The following ASRGL1 variants were observed in gnomAD, a reference collection of about 807,000 sequenced individuals.
ASRGL1 encodes asparaginase and isoaspartyl peptidase 1.
A neutral mutation model predicts 22.4 loss-of-function variants in ASRGL1; 16 were observed. The ratio of observed to expected loss-of-function variants is 0.71; its 90% confidence interval spans 0.48 to 1.08. ASRGL1 has a LOEUF of 1.08. Among genes scored for constraint, ASRGL1 ranks in the 50% least tolerant of loss-of-function variants. The pLI is 0.00. For synonymous variants in ASRGL1, 165 were observed against 159.3 expected (o/e 1.04, Z -0.27); for missense variants, 412 against 410.1 (o/e 1.00, Z -0.04).
chr11:62,340,129 C>T (rs1945828231), intron 2 of ASRGL1, among the ~76,000 whole-genome samples: 2 of 151,722 alleles, frequency 1.3e-5, no homozygotes, highest in South Asian at 2.1e-4. Flanking sequence ...ATCAGCTGAG[C>T]GTGGTGGCAC....
chr11:62,342,846 C>T (rs910897207), intron 2 of ASRGL1, among the ~76,000 whole-genome samples: 1 of 152,028 alleles, frequency 6.6e-6, no homozygotes, highest in Non-Finnish European at 1.5e-5. Flanking sequence ...AAGTGTTACC[C>T]GTGTAGACGT....
chr11:62,375,248 C>T (rs1416978109), intron 4 of ASRGL1, among the ~76,000 whole-genome samples: 1 of 151,590 alleles, frequency 6.6e-6, no homozygotes, highest in Non-Finnish European at 1.5e-5. Flanking sequence ...GTGCCGTGCA[C>T]TCCTAGAGAA....
chr11:62,356,342 A>G lies in ASRGL1; in HGVS notation c.208A>G (p.Asn70Asp). The G allele has an allele frequency of 6.2e-7, 1 of 1,614,140 alleles. No homozygotes were observed. Among genetic ancestry groups the G allele is most frequent in the Non-Finnish European group, 8.5e-7 (1 of 1,179,982 alleles). Residue 70 changes from asparagine to aspartate, a missense_variant, in exon 3 of 7, where the codon AAC (asparagine) becomes GAC (aspartate). Coordinates refer to ENST00000415229, the MANE Select transcript of ASRGL1 (RefSeq NM_001083926.2). ...GGTTTTAGGTTGTGGGTCTGTCTTG[A>G]ACACAAATGGTGAGGTTGAAATGGA... Reference protein sequence around the residue: ...EFNAGCGSVLNTNGEVEMDAS... With the variant: ...EFNAGCGSVLDTNGEVEMDAS...
intron 4 of ASRGL1, among the ~76,000 whole-genome samples, chr11:62,375,930 C>G (rs534133398): frequency 6.6e-6 from 1 of 151,720 alleles, no homozygotes; most frequent in African/African-American, 2.4e-5. Flanking sequence ...GGTGAAACCC[C>G]GTCTCTACTA....
chr11:62,365,140 A>C (rs1432348498), intron 4 of ASRGL1, among the ~76,000 whole-genome samples: 1 of 152,046 alleles, frequency 6.6e-6, no homozygotes, highest in Non-Finnish European at 1.5e-5. Context: ...CAGGAGTGGG[A>C]GAAATGGGAA....
intron 4 of ASRGL1, among the ~76,000 whole-genome samples, chr11:62,384,435 CA>C (rs1947154610): frequency 6.6e-6 from 1 of 151,942 alleles, no homozygotes; most frequent in African/African-American, 2.4e-5. Flanking sequence ...ACCCGGGAGG[CA>C]GAGGCTGCTG....
In ASRGL1 at chr11:62,367,121, G is replaced by A. The variant is rs375983144; in HGVS notation, c.491+9977G>A. On this transcript the variant is annotated intron_variant, in intron 4 of 6. Coordinates refer to ENST00000415229, the MANE Select transcript of ASRGL1 (RefSeq NM_001083926.2). ...TGGGAGGCTGAGGCGGGTGGATTACGAGGTCAGGAGATCAAGACCATCCTG... is the reference window on the plus strand; with the variant it reads ...TGGGAGGCTGAGGCGGGTGGATTACAAGGTCAGGAGATCAAGACCATCCTG... Among the ~76,000 whole-genome samples, 41 of 149,380 alleles carry A rather than the reference G, an allele frequency of 2.7e-4. 1 individual carries two copies. The South Asian group carries it at 5.3e-3, about 19-fold the overall frequency.
rs150303172 is a variant in ASRGL1 at position 62,356,501 on chromosome 11, A to G, written c.333+34A>G. ...GACTAAAGCAGCCTTTTCCTAATGA[A>G]TTGTTATTGTTATACTGCAGTGATA... is the stretch of plus-strand genomic sequence containing the variant. On this transcript the variant is annotated intron_variant, in intron 3 of 6. Coordinates refer to ENST00000415229, the MANE Select transcript of ASRGL1 (RefSeq NM_001083926.2). 13 of 1,605,938 alleles carry G rather than the reference A, an allele frequency of 8.1e-6. No individual in the cohort carries two copies. The Admixed American group carries it at 2.0e-4, about 25-fold the overall frequency.
At chr11:62,371,385 G>C in intron 4 of ASRGL1, 1 of 641,442 alleles carries the variant, frequency 1.6e-6, no homozygotes, top group Non-Finnish European at 2.6e-6. Context: ...GTGCGGCTGT[G>C]GTGGTCGCCG....
At position 62,372,682 on chromosome 11, in the gene ASRGL1, A is replaced by G. The variant is rs1229451933; in HGVS notation, c.491+15538A>G. The G allele has an allele frequency of 1.9e-5, 23 of 1,188,098 alleles. No individual in the cohort carries two copies. The East Asian group carries it at 2.8e-4, about 14-fold the overall frequency. The allele number at this position is 1,188,098 out of a possible 1,614,324, so 73.6% of individuals were successfully genotyped here. A position where few individuals can be genotyped will look rare whatever the true frequency, so the allele number is the denominator to read the frequency against. On this transcript the variant is annotated intron_variant, in intron 4 of 6. Coordinates refer to ENST00000415229, the MANE Select transcript of ASRGL1 (RefSeq NM_001083926.2). ...GTCTTCTCCTGGGGCTTCAGTGGCT[A>G]TGGCTGGCTGGGCTACACAGAGCAG... is the stretch of plus-strand genomic sequence containing the variant.
intron 4 of ASRGL1, among the ~76,000 whole-genome samples, chr11:62,375,508 C>T (rs563444853): frequency 2.3e-4 from 27 of 119,220 alleles, no homozygotes; most frequent in Middle Eastern, 0.011. Context: ...TTTAAATAAA[C>T]GACATCATTA....
intron 4 of ASRGL1, among the ~76,000 whole-genome samples, chr11:62,374,882 C>T (rs1052355853): frequency 6.6e-6 from 1 of 152,150 alleles, no homozygotes; most frequent in Non-Finnish European, 1.5e-5. Context: ...AGCTTCCATG[C>T]GACAGCCTGA....
At chr11:62,385,814 A>G (rs560952371) in intron 4 of ASRGL1, among the ~76,000 whole-genome samples, 253 of 152,344 alleles carry the variant, frequency 1.7e-3, no homozygotes, top group Non-Finnish European at 2.7e-3. Context: ...CAGTGAGCCA[A>G]GATCACGCCA....
intron 2 of ASRGL1, among the ~76,000 whole-genome samples, chr11:62,349,424 C>T (rs1184556390): frequency 6.6e-6 from 1 of 152,214 alleles, no homozygotes. Context: ...TAGCTCAGAT[C>T]TCTTTCACTG....
At chr11:62,344,541 C>T (rs1945961512) in intron 2 of ASRGL1, among the ~76,000 whole-genome samples, 1 of 150,272 alleles carries the variant, frequency 6.7e-6, no homozygotes, top group Non-Finnish European at 1.5e-5. Context: ...GTCTGTGATT[C>T]ACTTTGAATA....
intron 4 of ASRGL1, among the ~76,000 whole-genome samples, chr11:62,383,646 G>C (rs187658374): frequency 7.1e-6 from 1 of 139,880 alleles, no homozygotes; most frequent in East Asian, 2.1e-4. Flanking sequence ...ATCAGGCCAG[G>C]CTTGGTGGCT....
intron 2 of ASRGL1, among the ~76,000 whole-genome samples, chr11:62,339,411 C>T (rs1043614411): frequency 1.3e-5 from 2 of 152,184 alleles, no homozygotes; most frequent in African/African-American, 4.8e-5. Flanking sequence ...GACAAGGTTC[C>T]AAAGTTTTCA....
intron 6 of ASRGL1, 30 bp downstream of exon 6, chr11:62,391,662 T>G: frequency 6.4e-7 from 1 of 1,571,912 alleles, no homozygotes; most frequent in South Asian, 1.2e-5. Context: ...AGTAAAATAA[T>G]TTGTGAAGAT....
intron 2 of ASRGL1, among the ~76,000 whole-genome samples, chr11:62,350,832 C>CT (rs1193403219): frequency 1.3e-5 from 2 of 152,256 alleles, no homozygotes; most frequent in East Asian, 3.9e-4. Context: ...TTGCCTATAT[C>CT]TGTCTTCTAA....
Sources: allele counts gnomAD v4.1 joint callset (sites outside exome capture counted in the v4.1 genomes callset), GRCh38; gene constraint gnomAD v4.1.1; transcripts MANE v1.5; gene names NCBI Gene and HGNC (gene_info 2026-07-23, HGNC 2026-07-21).